The following PPARGC1A variants were observed in gnomAD, a reference collection of about 807,000 sequenced individuals.
The protein encoded by PPARGC1A is peroxisome proliferator-activated receptor gamma coactivator 1-alpha.
Under a neutral mutation model 88.7 loss-of-function variants are expected in PPARGC1A, and 25 were observed. That is an observed-to-expected ratio of 0.28 (90% CI 0.21 to 0.39). The LOEUF is 0.39. Ranked by LOEUF, PPARGC1A falls within the 10% of genes least tolerant of loss-of-function variation. The probability of loss-of-function intolerance (pLI) is 1.00; values close to 1 mark genes in which losing one functional copy is unlikely to be tolerated. For missense variants in PPARGC1A, 880 were observed against 968.7 expected, an observed-to-expected ratio of 0.91 and a Z score of 1.22; for synonymous variants, 363 against 355.6, an observed-to-expected ratio of 1.02 and a Z score of -0.24.
the PPARGC1A span, among the ~76,000 whole-genome samples, chr4:24,179,814 TG>T: frequency 6.6e-6 from 1 of 152,222 alleles, no homozygotes; most frequent in Non-Finnish European, 1.5e-5. Flanking sequence ...TCAACTGATA[TG>T]TTTTTTATTT....
the PPARGC1A span, among the ~76,000 whole-genome samples, chr4:24,111,448 C>T: frequency 2.0e-5 from 3 of 152,192 alleles, no homozygotes; most frequent in Non-Finnish European, 2.9e-5. Context: ...CTGCAAGAAA[C>T]TTCCAAACAA....
the PPARGC1A span, among the ~76,000 whole-genome samples, chr4:24,409,347 A>G: frequency 6.6e-6 from 1 of 152,362 alleles, no homozygotes; most frequent in South Asian, 2.1e-4. Context: ...CAAGAGTAAA[A>G]TTCAAATCCC....
the PPARGC1A span, among the ~76,000 whole-genome samples, chr4:24,026,806 A>AT: frequency 6.6e-6 from 1 of 152,118 alleles, no homozygotes; most frequent in African/African-American, 2.4e-5. Context: ...AGCCTGAGAA[A>AT]TTTTTCCAGC....
the PPARGC1A span, among the ~76,000 whole-genome samples, chr4:23,916,782 A>G: frequency 6.6e-6 from 1 of 152,176 alleles, no homozygotes; most frequent in African/African-American, 2.4e-5. Context: ...TATCATCACC[A>G]CCATTTAAAA....
the PPARGC1A span, among the ~76,000 whole-genome samples, chr4:24,296,714 G>C: frequency 2.0e-5 from 3 of 152,032 alleles, no homozygotes; most frequent in African/African-American, 7.3e-5. Flanking sequence ...AGAATGTTTT[G>C]ATTTTTGTGC....
chr4:24,125,283 A>G, the PPARGC1A span, among the ~76,000 whole-genome samples: 389 of 152,276 alleles, frequency 2.6e-3, 5 homozygotes, highest in East Asian at 0.047. Flanking sequence ...TCCTCCCCCA[A>G]TGAGAGCTCC....
At chr4:23,864,492 A>G (rs10212638) in intron 2 of PPARGC1A, among the ~76,000 whole-genome samples, 15,987 of 152,264 alleles carry the variant, frequency 0.1, 1,353 homozygotes, top group African/African-American at 0.24. Context: ...GAGTAGCAGC[A>G]ACCAGCCCTG....
the PPARGC1A span, among the ~76,000 whole-genome samples, chr4:23,993,304 GGAACA>G: frequency 6.6e-6 from 1 of 152,096 alleles, no homozygotes; most frequent in Non-Finnish European, 1.5e-5. Context: ...AGACAATGAC[GGAACA>G]GAAAAGTAGA....
the PPARGC1A span, among the ~76,000 whole-genome samples, chr4:23,924,088 A>C: frequency 6.6e-6 from 1 of 152,208 alleles, no homozygotes; most frequent in Non-Finnish European, 1.5e-5. Flanking sequence ...GGCCATGCTG[A>C]ATCACTTACA....
the PPARGC1A span, among the ~76,000 whole-genome samples, chr4:24,412,944 T>C: frequency 6.6e-6 from 1 of 152,200 alleles, no homozygotes; most frequent in East Asian, 1.9e-4. Context: ...TTGCCAACCC[T>C]GCACAGAAGA....
chr4:23,952,655 AT>A, the PPARGC1A span, among the ~76,000 whole-genome samples: 2 of 152,056 alleles, frequency 1.3e-5, no homozygotes, highest in African/African-American at 4.8e-5. Flanking sequence ...AAATTTGTAA[AT>A]TTTGTAAAAA....
the PPARGC1A span, among the ~76,000 whole-genome samples, chr4:24,088,003 C>T: frequency 0.018 from 2,726 of 152,184 alleles, 89 homozygotes; most frequent in African/African-American, 0.058. Flanking sequence ...AATCCCATCA[C>T]ATTATTGTGA....
the PPARGC1A span, among the ~76,000 whole-genome samples, chr4:24,420,437 C>T: frequency 1.3e-5 from 2 of 152,156 alleles, no homozygotes; most frequent in African/African-American, 4.8e-5. Flanking sequence ...GATATAGCTA[C>T]ATAAATAGGC....
chr4:23,939,121 A>G, the PPARGC1A span, among the ~76,000 whole-genome samples: 1 of 152,308 alleles, frequency 6.6e-6, no homozygotes, highest in South Asian at 2.1e-4. Context: ...CAAATAAGGA[A>G]AAGAAGAAGG....
At chr4:24,451,467 T>C in the PPARGC1A span, among the ~76,000 whole-genome samples, 1 of 152,216 alleles carries the variant, frequency 6.6e-6, no homozygotes, top group East Asian at 1.9e-4. Flanking sequence ...TTAGTCCAGT[T>C]CTTCTACCTA....
At chr4:24,270,009 TGA>T in the PPARGC1A span, among the ~76,000 whole-genome samples, 1 of 152,214 alleles carries the variant, frequency 6.6e-6, no homozygotes, top group African/African-American at 2.4e-5. Flanking sequence ...GGTGTATTTA[TGA>T]GAGTGTTTCT....
At chr4:24,053,499 G>A in the PPARGC1A span, among the ~76,000 whole-genome samples, 1 of 151,378 alleles carries the variant, frequency 6.6e-6, no homozygotes, top group Non-Finnish European at 1.5e-5. Flanking sequence ...AAAAATGAGG[G>A]CAATAAGAAA....
chr4:24,108,969 C>G, the PPARGC1A span, among the ~76,000 whole-genome samples: 1 of 150,948 alleles, frequency 6.6e-6, no homozygotes, highest in African/African-American at 2.4e-5. Flanking sequence ...TTGGTAAAAA[C>G]AAATCCTAAT....
the PPARGC1A span, among the ~76,000 whole-genome samples, chr4:24,422,030 A>G: frequency 8.5e-5 from 13 of 152,264 alleles, 1 homozygote; most frequent in Admixed American, 1.3e-4. Context: ...GAGTCGTACT[A>G]AAAGGATTGA....
Sources: gnomAD v4.1 joint callset for allele counts (sites outside exome capture counted in the v4.1 genomes callset) on GRCh38, gnomAD v4.1.1 for gene constraint, MANE v1.5 for transcripts, NCBI Gene and HGNC (gene_info 2026-07-23, HGNC 2026-07-21) for gene names.